Variants in HPS4 observed in about 807,000 individuals in gnomAD.
HPS4 encodes BLOC-3 complex member HPS4.
A neutral mutation model predicts 70.3 loss-of-function variants in HPS4; 44 were observed. The ratio of observed to expected loss-of-function variants is 0.63; its 90% CI spans 0.49 to 0.80. HPS4 has a LOEUF of 0.80. Ranked by LOEUF, HPS4 falls within the 30% of genes least tolerant of loss-of-function variation. The probability of loss-of-function intolerance (pLI) is 0.00; values close to 1 mark genes in which losing one functional copy is unlikely to be tolerated. For missense variants in HPS4, 873 were observed against 884.4 expected, an observed-to-expected ratio of 0.99 and a Z score of 0.16; for synonymous variants, 377 against 355.9, an observed-to-expected ratio of 1.06 and a Z score of -0.67.
chr22:26,460,143 GTGTC>G (rs763432026), intron 11 of HPS4, among the ~76,000 whole-genome samples: 16 of 152,180 alleles, frequency 1.1e-4, no homozygotes, highest in Admixed American at 9.2e-4. Context: ...GCTTAGTAGA[GTGTC>G]TGACTCCTAG....
At chr22:26,470,646 A>C in intron 7 of HPS4, 73 bp downstream of exon 7, 5 of 1,458,238 alleles carry the variant, frequency 3.4e-6, no homozygotes, top group Non-Finnish European at 4.8e-6. Context: ...CCCCACTGTG[A>C]TCTGGAGGTG....
chr22:26,452,321 A>C lies in HPS4; in HGVS notation c.*912T>G. On this transcript the variant is annotated 3_prime_UTR_variant, in exon 14 of 14. Coordinates refer to ENST00000398145, the MANE Select transcript of HPS4 (RefSeq NM_022081.6). Reference sequence around the variant, plus strand: ...ACTGTCAAAAAAATGTCTGACTATAACGTAATAGAACTGAGGTTCTAAGTA... The same window carrying C: ...ACTGTCAAAAAAATGTCTGACTATACCGTAATAGAACTGAGGTTCTAAGTA... 2.2e-6 allele frequency: 1 copy of C among 456,640 alleles called. No individual in the cohort carries two copies. The highest frequency in any genetic ancestry group is 1.6e-5 in the South Asian group (1 of 64,510). The allele number at this position is 456,640 out of a possible 1,614,324, so 28.3% of individuals were successfully genotyped here. A position where few individuals can be genotyped will look rare whatever the true frequency, so the allele number is the denominator to read the frequency against.
chr22:26,479,911 G>A (rs957221299), intron 2 of HPS4, among the ~76,000 whole-genome samples: 2 of 152,106 alleles, frequency 1.3e-5, no homozygotes, highest in Non-Finnish European at 2.9e-5. Context: ...GAAAAAACAG[G>A]GGCCTATGAG....
rs757458387 is a variant in HPS4, at chr22:26,458,009, C to T, written c.1847-42G>A. Reference sequence around the variant, plus strand: ...CAGAGTTGTGAAGAGCAGACAGTTACCTTCTGCCCTCCCACCCCATGAAGC... The same window carrying T: ...CAGAGTTGTGAAGAGCAGACAGTTATCTTCTGCCCTCCCACCCCATGAAGC... On this transcript the variant is annotated intron_variant, in intron 12 of 13. Coordinates refer to ENST00000398145, the MANE Select transcript of HPS4 (RefSeq NM_022081.6). The T allele has an allele frequency of 1.0e-5, 15 of 1,479,148 alleles. No homozygotes were observed. In the African/African-American group the frequency reaches 1.2e-4, roughly 12 times the overall value. The allele number at this position is 1,479,148 out of a possible 1,614,324, so 91.6% of individuals were successfully genotyped here. A position where few individuals can be genotyped will look rare whatever the true frequency, so the allele number is the denominator to read the frequency against.
chr22:26,449,070 C>G (rs999654539), downstream of HPS4, among the ~76,000 whole-genome samples: 1 of 152,072 alleles, frequency 6.6e-6, no homozygotes, highest in Admixed American at 6.6e-5. Flanking sequence ...CTGCTCACTC[C>G]GTCCGCCAGC....
Position 26,464,613 on chromosome 22 carries a change from T to G in HPS4, c.1017A>C (p.Ala339=). 2 of 1,614,200 alleles carry G rather than the reference T, an allele frequency of 1.2e-6. No individual in the cohort carries two copies. The highest frequency in any genetic ancestry group is 2.2e-5 in the South Asian group (2 of 91,086). Residue 339 remains alanine, a synonymous_variant, in exon 11 of 14, where the codon GCA becomes GCC. Coordinates refer to ENST00000398145, the MANE Select transcript of HPS4 (RefSeq NM_022081.6). The stretch of plus-strand genomic sequence containing the variant: ...CACCCCTGGCAGAGTTGTGCAGTCC[T>G]GCGGGCCTGATGCTCTCCAGATCAT... ...SGHDLESIRP[A]GLHNSARGEV...
rs749034221 is a variant in HPS4 at position 26,457,925 on chromosome 22, A to C, written c.1889T>G (p.Leu630Arg). The stretch of plus-strand genomic sequence containing the variant: ...GCTATGCATCAGGCTGACGGCCTGG[A>C]GGAAGCGGCGATCCTGCGGGGTGGC... ...QVATPQDRRF[L>R]QAVSLMHSEF... The change falls in exon 13 of 14, where the codon CTC becomes CGC. Residue 630 changes from leucine (L) to arginine (R), a missense_variant. Coordinates refer to ENST00000398145, the MANE Select transcript of HPS4 (RefSeq NM_022081.6). 1.2e-6 allele frequency: 2 copies of C among 1,614,158 alleles called. No individual in the cohort carries two copies. Among genetic ancestry groups the C allele is most frequent in the Non-Finnish European group, 1.7e-6 (2 of 1,180,040 alleles).
chr22:26,479,372 G>C lies in HPS4; in HGVS notation c.42-17C>G. 2 of 1,613,282 alleles carry C rather than the reference G, an allele frequency of 1.2e-6. No homozygotes were observed. The highest frequency in any genetic ancestry group is 1.7e-6 in the Non-Finnish European group (2 of 1,179,556). ...TAATTCCACCTGGCAAGAGAACAGA[G>C]TGGAGCCATGTTTCCTTTAATCCAG... On this transcript the variant is annotated splice_polypyrimidine_tract_variant and intron_variant, in intron 2 of 13. Transcript: ENST00000398145.
rs745866776 is a variant in HPS4, at chr22:26,457,873, A to G, written c.1941T>C (p.Tyr647=). The G allele has an allele frequency of 1.9e-6, 3 of 1,614,166 alleles. No individual in the cohort carries two copies. Among genetic ancestry groups the G allele is most frequent in the Non-Finnish European group, 2.5e-6 (3 of 1,179,964 alleles). Residue 647 remains tyrosine (Y), a synonymous_variant, in exon 13 of 14, where the codon TAT becomes TAC. Transcript: ENST00000398145. ...HSEFAQLPAL[Y]EMTVRNASTA... is the part of the protein sequence containing the mutation. ...GGGAGGCTCACCTGACAGTCATTTC[A>G]TAAAGCGCGGGCAGCTGGGCAAATT...
In HPS4 at chr22:26,457,210, C is replaced by CCTTTTTTTTTTTTTTTTTTT. The variant is rs386395106; in HGVS notation, c.1955+648_1955+649insAAAAAAAAAAAAAAAAAAAG. ...ATGACTGTATGATCAGCACGTATTA[C>CCTTTTTTTTTTTTTTTTTTT]TTTTTTTTTTTTTTTTTTTTTTCTG... On this transcript the variant is annotated intron_variant, in intron 13 of 13. Transcript: ENST00000398145. 1.6e-4 allele frequency among the ~76,000 whole-genome samples: 4 copies of CCTTTTTTTTTTTTTTTTTTT among 25,554 alleles called. 2 individuals are homozygous for CCTTTTTTTTTTTTTTTTTTT. The highest frequency in any genetic ancestry group is 4.9e-3 in the South Asian group (2 of 408). 16.8% of individuals were successfully genotyped at this position (25,554 alleles called of 152,430 possible).
At position 26,461,222 on chromosome 22, in the gene HPS4, G is replaced by GT. The variant is rs2087199137; in HGVS notation, c.1714-2646dup. ...ACCGGTTTCCCAGTTGGGGGAAGGT[G>GT]TTTTTTCATAAAATGTTTTATGGCA... is the stretch of plus-strand genomic sequence containing the variant. On this transcript the variant is annotated intron_variant, in intron 11 of 13. Coordinates refer to ENST00000398145, the MANE Select transcript of HPS4 (RefSeq NM_022081.6). Among the ~76,000 whole-genome samples the GT allele has an allele frequency of 2.0e-5, 3 of 152,188 alleles. No individual in the cohort carries two copies. The South Asian group carries it at 6.2e-4, about 31-fold the overall frequency.
intron 4 of HPS4, chr22:26,476,762 G>A (rs2090604616): frequency 9.6e-6 from 5 of 520,170 alleles, no homozygotes; most frequent in Non-Finnish European, 1.4e-5. Context: ...GTCTTTGAAA[G>A]GAAAGGAGAA....
At chr22:26,463,810 G>A (rs1255121948) in intron 11 of HPS4, 107 bp downstream of exon 11, 2 of 1,199,344 alleles carry the variant, frequency 1.7e-6, no homozygotes. Flanking sequence ...ACACAACTGA[G>A]GGCTGAGCCT....
At chr22:26,474,780 A>G (rs534157809) in intron 4 of HPS4, among the ~76,000 whole-genome samples, 1 of 152,340 alleles carries the variant, frequency 6.6e-6, no homozygotes, top group African/African-American at 2.4e-5. Context: ...CTTTGAATGG[A>G]CACTTCACAA....
At chr22:26,445,770 A>C (rs2084932996) in intron 3 of HPS4, among the ~76,000 whole-genome samples, 1 of 152,214 alleles carries the variant, frequency 6.6e-6, no homozygotes, top group Admixed American at 6.5e-5. Context: ...AGAGATGGGA[A>C]AACACATCGG....
chr22:26,468,871 A>G (rs1256898149), intron 7 of HPS4, among the ~76,000 whole-genome samples: 1 of 152,164 alleles, frequency 6.6e-6, no homozygotes, highest in Non-Finnish European at 1.5e-5. Context: ...GAGAATGGTA[A>G]AAACAATTAA....
In HPS4 at chr22:26,452,740, G is replaced by A. The variant is rs552113955; in HGVS notation, c.*493C>T. 1 of 251,148 alleles carries A rather than the reference G, an allele frequency of 4.0e-6. No homozygotes were observed. Among genetic ancestry groups the A allele is most frequent in the African/African-American group, 2.3e-5 (1 of 44,138 alleles). The allele number at this position is 251,148 out of a possible 1,614,324, so 15.6% of individuals were successfully genotyped here. ...GACCTCCCAGCAAGAGCGCACTGGAGAAACCTACCTGCGGCGTGGGAGTGG... is the reference window on the plus strand; with the variant it reads ...GACCTCCCAGCAAGAGCGCACTGGAAAAACCTACCTGCGGCGTGGGAGTGG... On this transcript the variant is annotated 3_prime_UTR_variant, in exon 14 of 14. Transcript: ENST00000398145.
intron 9 of HPS4, 65 bp from the exon 10 acceptor site, chr22:26,465,616 C>G (rs1243186269): frequency 2.2e-6 from 3 of 1,346,010 alleles, no homozygotes; most frequent in African/African-American, 2.9e-5. Flanking sequence ...GGGGCAATAG[C>G]TGCACTGGCG....
chr22:26,479,745 A>AT (rs1278183224), intron 2 of HPS4: 1 of 957,458 alleles, frequency 1.0e-6, no homozygotes, highest in Non-Finnish European at 1.3e-6. Context: ...TGCACTCCTC[A>AT]TAAGTGCTGA....
Sources: allele counts gnomAD v4.1 joint callset (sites outside exome capture counted in the v4.1 genomes callset), GRCh38; gene constraint gnomAD v4.1.1; transcripts MANE v1.5; gene names NCBI Gene and HGNC (gene_info 2026-07-23, HGNC 2026-07-21).